Variants in IGSF10 observed in about 807,000 individuals in gnomAD.
IGSF10 encodes calvaria mechanical force protein 608.
Under a neutral mutation model 128.2 loss-of-function variants are expected in IGSF10, and 126 were observed. The observed-to-expected ratio is 0.98, with a 90% CI of 0.85 to 1.14. The LOEUF (loss-of-function observed/expected upper bound fraction) is 1.14. Among genes scored for constraint, IGSF10 ranks in the 50% most tolerant of loss-of-function variants. IGSF10 has a pLI of 0.00. For synonymous variants in IGSF10, 1,185 were observed against 1,146.2 expected, an observed-to-expected ratio of 1.03 and a Z score of -0.68; for missense variants, 3,295 against 3,149.8, an observed-to-expected ratio of 1.05 and a Z score of -1.10.
the IGSF10 span, among the ~76,000 whole-genome samples, chr3:151,473,863 TCATGATAG>T: frequency 4.8e-4 from 73 of 152,244 alleles, no homozygotes; most frequent in African/African-American, 1.7e-3. Flanking sequence ...CTGAAAATTC[TCATGATAG>T]CCCTTATAAT....
the IGSF10 span, among the ~76,000 whole-genome samples, chr3:151,528,930 A>AGCTTC: frequency 8.7e-6 from 1 of 115,124 alleles, no homozygotes; most frequent in African/African-American, 3.5e-5. Flanking sequence ...ACCCCCATGG[A>AGCTTC]GCCCAGCAAG....
chr3:151,595,386 C>T, the IGSF10 span, among the ~76,000 whole-genome samples: 1 of 151,866 alleles, frequency 6.6e-6, no homozygotes, highest in African/African-American at 2.4e-5. Flanking sequence ...CCATTGATGG[C>T]TGACTGGATA....
chr3:151,509,500 G>A, the IGSF10 span, among the ~76,000 whole-genome samples: 1 of 152,190 alleles, frequency 6.6e-6, no homozygotes, highest in African/African-American at 2.4e-5. Context: ...TGGGGGTAGA[G>A]CCAAGATGGC....
At chr3:151,607,591 C>T in the IGSF10 span, among the ~76,000 whole-genome samples, 2 of 152,030 alleles carry the variant, frequency 1.3e-5, no homozygotes, top group African/African-American at 4.8e-5. Flanking sequence ...TTTAAAAGCT[C>T]ACAGCTTAAT....
chr3:151,519,471 T>C, the IGSF10 span, among the ~76,000 whole-genome samples: 1 of 151,842 alleles, frequency 6.6e-6, no homozygotes, highest in African/African-American at 2.4e-5. Context: ...GGAGGTTAAG[T>C]TGGGGGATAT....
At chr3:151,479,945 A>C in the IGSF10 span, among the ~76,000 whole-genome samples, 36 of 151,374 alleles carry the variant, frequency 2.4e-4, no homozygotes, top group African/African-American at 7.6e-4. Context: ...AATCTAACGA[A>C]GAAAAAAAAA....
upstream of IGSF10, among the ~76,000 whole-genome samples, chr3:151,463,606 G>A (rs1174084507): frequency 1.7e-5 from 2 of 117,134 alleles, no homozygotes; most frequent in Non-Finnish European, 3.2e-5. Flanking sequence ...GAGTGCAATG[G>A]CGCAATCTCG....
chr3:151,443,271 G>T lies in IGSF10; in HGVS notation c.5676C>A (p.Ser1892=). ...TCCCATTTGAAAATAAGAACAACTTGGAATTGGTAAACTGTAATGGTTTCA... is the reference window on the plus strand; with the variant it reads ...TCCCATTTGAAAATAAGAACAACTTTGAATTGGTAAACTGTAATGGTTTCA... ...TEVKPLQFTN[S]KLFLFSNGTL... Residue 1892 remains serine, a synonymous_variant, in exon 7 of 8, where the codon TCC becomes TCA. Transcript: ENST00000282466. 1 of 1,612,098 alleles carries T rather than the reference G, an allele frequency of 6.2e-7. No individual in the cohort carries two copies. The highest frequency in any genetic ancestry group is 8.5e-7 in the Non-Finnish European group (1 of 1,178,820).
chr3:151,585,145 G>C, the IGSF10 span, among the ~76,000 whole-genome samples: 2 of 152,078 alleles, frequency 1.3e-5, no homozygotes, highest in African/African-American at 4.8e-5. Flanking sequence ...GCTGGTTTGG[G>C]TTGAGATTTG....
intron 1 of IGSF10, 62 bp from the exon 2 acceptor site, chr3:151,460,409 A>G (rs951309144): frequency 2.2e-6 from 1 of 458,874 alleles, no homozygotes; most frequent in African/African-American, 2.1e-5. Flanking sequence ...TTTGGCTTAC[A>G]GCCAGGAGTA....
At chr3:151,589,941 T>A in the IGSF10 span, among the ~76,000 whole-genome samples, 5 of 152,324 alleles carry the variant, frequency 3.3e-5, no homozygotes, top group African/African-American at 1.2e-4. Context: ...TTTTGCCCTT[T>A]GAAAGAAAGA....
In IGSF10 at chr3:151,436,823, C is replaced by T. The variant is rs1560167730; in HGVS notation, c.7738G>A (p.Gly2580Arg). The change falls in exon 8 of 8, where the codon GGA (glycine) becomes AGA (arginine). Residue 2580 changes from glycine to arginine, a missense_variant. Transcript: ENST00000282466. ...CCTTGTAAGTGAAGCTGCTCACTTC[C>T]ATGTGTCCTCTCTTTACTTGCCGTT... ...LSTASKERTHGSEQLHLQGTL... is the reference protein window; with the variant it reads ...LSTASKERTHRSEQLHLQGTL... 1.9e-6 allele frequency: 3 copies of T among 1,614,170 alleles called. No individual in the cohort carries two copies. The highest frequency in any genetic ancestry group is 1.1e-5 in the South Asian group (1 of 91,082).
intron 6 of IGSF10, among the ~76,000 whole-genome samples, chr3:151,444,482 A>AT (rs761987376): frequency 2.2e-4 from 34 of 151,860 alleles, no homozygotes; most frequent in Non-Finnish European, 3.7e-4. Context: ...TAATTTATGT[A>AT]TTTTTTTAGT....
upstream of IGSF10, among the ~76,000 whole-genome samples, chr3:151,464,256 C>T (rs930586224): frequency 1.1e-4 from 17 of 152,040 alleles, no homozygotes; most frequent in African/African-American, 4.1e-4. Context: ...TTCTTTAAAT[C>T]CTCCCCCTCT....
At chr3:151,508,247 C>G in the IGSF10 span, among the ~76,000 whole-genome samples, 3 of 151,756 alleles carry the variant, frequency 2.0e-5, no homozygotes, top group Admixed American at 6.6e-5. Flanking sequence ...ATAGATACAA[C>G]AAGATAAAAA....
At chr3:151,607,910 C>CG in the IGSF10 span, among the ~76,000 whole-genome samples, 1 of 45,688 alleles carries the variant, frequency 2.2e-5, no homozygotes, top group African/African-American at 1.2e-4. Flanking sequence ...GACTCCATCT[C>CG]GGAAAAAAAA....
At position 151,448,270 on chromosome 3, in the gene IGSF10, G is replaced by A. The variant is rs17204557; in HGVS notation, c.1711C>T (p.Pro571Ser). ...TTTTCCTGATAGGCTTCGACCAAAG[G>A]TTCTACCACAGTTATCCTATAGGTG... The part of the protein sequence containing the change: ...ILTYRITVVE[P>S]LVEAYQENGI... The change falls in exon 6 of 8, where the codon CCT becomes TCT. Residue 571 changes from proline to serine, a missense_variant. Pro to Ser is a moderately conservative substitution (Grantham distance 74, BLOSUM62 -1). Coordinates refer to ENST00000282466, the MANE Select transcript of IGSF10 (RefSeq NM_178822.5). 64,484 of 1,614,100 alleles carry A rather than the reference G, an allele frequency of 0.04. 1,945 individuals are homozygous for A. Among genetic ancestry groups the A allele is most frequent in the South Asian group, 0.12 (10,890 of 91,086 alleles).
chr3:151,569,150 C>A, the IGSF10 span, among the ~76,000 whole-genome samples: 1 of 152,176 alleles, frequency 6.6e-6, no homozygotes, highest in Non-Finnish European at 1.5e-5. Flanking sequence ...TGACTCACTG[C>A]AACCTCCATC....
In IGSF10 at chr3:151,437,419, T is replaced by A. The variant is rs761396393; in HGVS notation, c.7142A>T (p.Asn2381Ile). ...WILPNGTRFS[N>I]GPQSYQYLIA... ...CAGATACTGATAACTTTGTGGTCCA[T>A]TGGAAAATCGTGTGCCATTTGGTAA... Residue 2381 changes from asparagine to isoleucine, a missense_variant, in exon 8 of 8, where the codon AAT becomes ATT. By Grantham distance (149) the Asn-to-Ile change is moderately radical (BLOSUM62 -3). Coordinates refer to ENST00000282466, the MANE Select transcript of IGSF10 (RefSeq NM_178822.5). The A allele has an allele frequency of 2.5e-6, 4 of 1,614,192 alleles. No individual in the cohort carries two copies. The East Asian group carries it at 8.9e-5, about 36-fold the overall frequency.
Sources: allele counts gnomAD v4.1 joint callset (sites outside exome capture counted in the v4.1 genomes callset), GRCh38; gene constraint gnomAD v4.1.1; transcripts MANE v1.5; gene names NCBI Gene and HGNC (gene_info 2026-07-23, HGNC 2026-07-21).